Variants in KCNMA1 observed in about 807,000 individuals in gnomAD.
KCNMA1 encodes the protein Calcium-activated potassium channel subunit alpha-1.
A neutral mutation model predicts 140.0 loss-of-function variants in KCNMA1; 29 were observed. The ratio of observed to expected loss-of-function variants is 0.21; its 90% CI spans 0.15 to 0.28. KCNMA1 has a LOEUF of 0.28. KCNMA1 is among the 10% of genes least tolerant of loss of function. KCNMA1 has a pLI of 1.00. For synonymous variants in KCNMA1, 612 were observed against 611.9 expected (o/e 1.00, Z 0.00); for missense variants, 880 against 1,602.2 (o/e 0.55, Z 7.70).
chr10:76,937,965 A>C, intron 23 of KCNMA1, among the ~76,000 whole-genome samples: 1 of 151,804 alleles, frequency 6.6e-6, no homozygotes, highest in Admixed American at 6.6e-5. Context: ...ATAAAGCATA[A>C]AATATGGAAA....
intron 15 of KCNMA1, among the ~76,000 whole-genome samples, chr10:77,037,511 C>G (rs556770729): frequency 4.5e-4 from 68 of 152,282 alleles, no homozygotes; most frequent in African/African-American, 1.6e-3. Flanking sequence ...GCAGTCCTGA[C>G]CCTTCAAGTT....
At chr10:77,099,986 T>C (rs541908370) in intron 9 of KCNMA1, among the ~76,000 whole-genome samples, 1 of 152,344 alleles carries the variant, frequency 6.6e-6, no homozygotes, top group Admixed American at 6.5e-5. Flanking sequence ...GAGGCTTCCC[T>C]CTAATGTCTC....
chr10:76,951,990 T>C lies in KCNMA1; in HGVS notation c.2484+1811A>G, dbSNP rs759657825. The C allele has an allele frequency of 2.6e-6, 4 of 1,532,942 alleles. No individual in the cohort carries two copies. The South Asian group carries it at 3.6e-5, about 14-fold the overall frequency. 95.0% of individuals were successfully genotyped at this position (1,532,942 alleles called of 1,614,324 possible). ...GCACATAGTAGGCCTCCTGGAGATG[T>C]TTTGTTAAATGATGTTATTTTTCAT... On this transcript the variant is annotated intron_variant, in intron 21 of 27. Coordinates refer to ENST00000286628, the MANE Select transcript of KCNMA1 (RefSeq NM_001161352.2).
chr10:77,243,162 C>T (rs1441971011), intron 3 of KCNMA1, among the ~76,000 whole-genome samples: 2 of 151,352 alleles, frequency 1.3e-5, no homozygotes, highest in African/African-American at 4.9e-5. Context: ...AGCCCATGAA[C>T]CCCATGATAA....
intron 2 of KCNMA1, among the ~76,000 whole-genome samples, chr10:77,330,094 C>T (rs1466507186): frequency 6.6e-6 from 1 of 152,138 alleles, no homozygotes; most frequent in Admixed American, 6.5e-5. Context: ...TATCTAACCC[C>T]TTCTATCCTC....
At chr10:77,566,605 C>T (rs1474414503) in intron 1 of KCNMA1, among the ~76,000 whole-genome samples, 1 of 152,196 alleles carries the variant, frequency 6.6e-6, no homozygotes, top group Non-Finnish European at 1.5e-5. Context: ...AGGTTTGCTG[C>T]TTCCCTTCCT....
chr10:76,901,636 G>A (rs1317449607), intron 25 of KCNMA1: 1 of 152,204 alleles, frequency 6.6e-6, no homozygotes, highest in Non-Finnish European at 1.5e-5. Context: ...GTCAAAGAGT[G>A]CATGACTTTT....
chr10:77,041,190 A>G (rs1184726513), intron 14 of KCNMA1, among the ~76,000 whole-genome samples: 97 of 384 alleles, frequency 0.25, 13 homozygotes, highest in African/African-American at 0.67. Context: ...TTTGAGACGG[A>G]GTCTCGCTCT....
At chr10:77,021,913 A>G (rs1221831717) in intron 16 of KCNMA1, among the ~76,000 whole-genome samples, 1 of 152,214 alleles carries the variant, frequency 6.6e-6, no homozygotes, top group Non-Finnish European at 1.5e-5. Context: ...ACCAGAAACT[A>G]CATTACTGGT....
In KCNMA1 at chr10:76,889,455, T is replaced by G. The variant is rs2151796883; in HGVS notation, c.3457A>C (p.Lys1153Gln). 4.4e-6 allele frequency: 7 copies of G among 1,602,560 alleles called. No homozygotes were observed. The highest frequency in any genetic ancestry group is 1.3e-5 in the African/African-American group (1 of 74,814). Residue 1153 changes from lysine to glutamine, a missense_variant, in exon 27 of 28, where the codon AAG (lysine) becomes CAG (glutamine). Around this residue, in one of 13 missense-constraint regions of KCNMA1, gnomAD observed 115 missense variants for 139.9 expected, o/e 0.82. Transcript: ENST00000286628. ...AHLSTPSQCTKRYVITNPPYE... is the reference protein window; with the variant it reads ...AHLSTPSQCTQRYVITNPPYE... ...AGAGTTGAAACCAATACTCACCTCT[T>G]TGTGCACTGACTGGGGGTGCTGAGG...
chr10:77,414,917 A>T (rs564546382), intron 1 of KCNMA1, among the ~76,000 whole-genome samples: 2 of 152,292 alleles, frequency 1.3e-5, no homozygotes, highest in East Asian at 3.9e-4. Flanking sequence ...TTTTCTCTCT[A>T]TTCCACACTG....
intron 23 of KCNMA1, among the ~76,000 whole-genome samples, chr10:76,916,437 T>G (rs192011054): frequency 6.0e-4 from 91 of 152,324 alleles, no homozygotes; most frequent in Admixed American, 1.0e-3. Context: ...CATATCAATA[T>G]TAGAAACCTA....
At chr10:77,129,887 T>C (rs1366450756) in intron 5 of KCNMA1, among the ~76,000 whole-genome samples, 1 of 152,118 alleles carries the variant, frequency 6.6e-6, no homozygotes, top group Non-Finnish European at 1.5e-5. Context: ...CGAAACTTGA[T>C]ACACACAAAA....
intron 1 of KCNMA1, among the ~76,000 whole-genome samples, chr10:77,630,693 G>T (rs1203900658): frequency 2.0e-5 from 3 of 152,102 alleles, no homozygotes; most frequent in African/African-American, 4.8e-5. Context: ...CTCAAAGTGT[G>T]GTCTGCACAG....
chr10:77,038,124 C>A (rs2094450921), intron 15 of KCNMA1, among the ~76,000 whole-genome samples: 1 of 152,142 alleles, frequency 6.6e-6, no homozygotes. Flanking sequence ...AGGGTCTGGG[C>A]CCAGGGACTG....
chr10:77,012,819 T>A (rs2153457379), intron 17 of KCNMA1, among the ~76,000 whole-genome samples: 1 of 152,330 alleles, frequency 6.6e-6, no homozygotes, highest in South Asian at 2.1e-4. Flanking sequence ...GAAAATCCCC[T>A]AATCTGACTT....
intron 2 of KCNMA1, chr10:77,354,431 C>A (rs2093274947): frequency 6.6e-6 from 1 of 152,178 alleles, no homozygotes; most frequent in South Asian, 2.1e-4. Context: ...TGGGGAGGCT[C>A]CCCTTTTTTT....
chr10:76,934,692 T>C (rs2060087993), intron 23 of KCNMA1, among the ~76,000 whole-genome samples: 1 of 152,196 alleles, frequency 6.6e-6, no homozygotes. Context: ...GATAAGGTAG[T>C]TGACCTATCC....
chr10:77,075,149 G>A (rs544236165), intron 13 of KCNMA1, among the ~76,000 whole-genome samples: 1 of 152,248 alleles, frequency 6.6e-6, no homozygotes, highest in South Asian at 2.1e-4. Context: ...CTCATGGAGG[G>A]GCCACAGCAA....
Sources: allele counts gnomAD v4.1 joint callset (sites outside exome capture counted in the v4.1 genomes callset), GRCh38; gene constraint gnomAD v4.1.1; regional missense constraint gnomAD v4.1.1; transcripts MANE v1.5; gene names NCBI Gene and HGNC (gene_info 2026-07-23, HGNC 2026-07-21).